SOX5: variants seen among roughly 807,000 people sequenced by gnomAD.
The protein encoded by SOX5 is transcription factor SOX-5.
A neutral mutation model predicts 92.0 loss-of-function variants in SOX5; 9 were observed. The ratio of observed to expected loss-of-function variants is 0.10; its 90% confidence interval spans 0.06 to 0.17. SOX5 has a LOEUF of 0.17. SOX5 is among the 10% of genes least tolerant of loss of function. SOX5 has a pLI of 1.00. For synonymous variants in SOX5, 344 were observed against 336.3 expected (o/e 1.02, Z -0.25); for missense variants, 642 against 944.5 (o/e 0.68, Z 4.20).
At chr12:23,802,489 T>C (rs913756170) in intron 3 of SOX5, among the ~76,000 whole-genome samples, 1 of 151,620 alleles carries the variant, frequency 6.6e-6, no homozygotes, top group Non-Finnish European at 1.5e-5. Flanking sequence ...ATCCCATTCG[T>C]TGTAATTTTT....
At chr12:24,037,095 C>T (rs1045118017) in intron 4 of SOX5, among the ~76,000 whole-genome samples, 3 of 152,066 alleles carry the variant, frequency 2.0e-5, no homozygotes, top group African/African-American at 7.2e-5. Context: ...TTGAAGGACA[C>T]CACAGGCACT....
rs76882156 is a variant in SOX5 at position 24,307,450 on chromosome 12, A to G, written c.-173-30138T>C. On this transcript the variant is annotated intron_variant, in intron 2 of 4. Coordinates refer to the SOX5 transcript ENST00000446891. The stretch of plus-strand genomic sequence containing the variant: ...TTCTCATTTAGTACTGTATAGCTGG[A>G]AAGGAAGGAAGGAAGGAAGGAAGGA... Among the ~76,000 whole-genome samples, 207 of 118,636 alleles carry G rather than the reference A, an allele frequency of 1.7e-3. 4 individuals are homozygous for G. In the South Asian group the frequency reaches 0.029, roughly 17 times the overall value. 77.8% of individuals were successfully genotyped at this position (118,636 alleles called of 152,430 possible).
intron 2 of SOX5, among the ~76,000 whole-genome samples, chr12:24,367,748 A>G (rs1297827451): frequency 6.6e-6 from 1 of 152,170 alleles, no homozygotes; most frequent in African/African-American, 2.4e-5. Flanking sequence ...CAATCTAAAC[A>G]GTGTATTAAC....
chr12:24,330,372 C>T (rs1237538426), intron 2 of SOX5, among the ~76,000 whole-genome samples: 5 of 152,118 alleles, frequency 3.3e-5, no homozygotes, highest in African/African-American at 7.2e-5. Flanking sequence ...GGGAAAAGCT[C>T]GTTTGTACAA....
chr12:24,365,110 C>G (rs11047398), intron 2 of SOX5, among the ~76,000 whole-genome samples: 23,662 of 151,934 alleles, frequency 0.16, 2,202 homozygotes, highest in African/African-American at 0.26. Context: ...TCATTCATGA[C>G]GAACAGTGCT....
At chr12:24,278,608 G>A (rs188231993) in intron 2 of SOX5, among the ~76,000 whole-genome samples, 370 of 152,186 alleles carry the variant, frequency 2.4e-3, no homozygotes, top group Non-Finnish European at 4.4e-3. Context: ...CTATTTGGGA[G>A]AATGAGGTGA....
At chr12:23,943,458 G>T (rs1256521907) in intron 1 of SOX5, among the ~76,000 whole-genome samples, 1 of 152,066 alleles carries the variant, frequency 6.6e-6, no homozygotes, top group Non-Finnish European at 1.5e-5. Flanking sequence ...AGTAGGTTTA[G>T]ATAATGTGGT....
At chr12:24,215,870 A>G (rs578002687) in intron 3 of SOX5, among the ~76,000 whole-genome samples, 1 of 152,260 alleles carries the variant, frequency 6.6e-6, no homozygotes, top group African/African-American at 2.4e-5. Flanking sequence ...AGCTACAATA[A>G]TTAAGACATT....
chr12:24,209,496 G>A (rs1958363202), intron 4 of SOX5, among the ~76,000 whole-genome samples: 1 of 152,102 alleles, frequency 6.6e-6, no homozygotes, highest in Middle Eastern at 3.2e-3. Flanking sequence ...TTTGTTGCAT[G>A]AATATTCTGA....
chr12:24,485,690 A>G (rs569747883), intron 1 of SOX5, among the ~76,000 whole-genome samples: 1 of 152,286 alleles, frequency 6.6e-6, no homozygotes, highest in Non-Finnish European at 1.5e-5. Context: ...AACTATTACT[A>G]TTATGTACTT....
chr12:24,160,058 C>G (rs1299944333), intron 4 of SOX5, among the ~76,000 whole-genome samples: 1 of 151,812 alleles, frequency 6.6e-6, no homozygotes, highest in Non-Finnish European at 1.5e-5. Flanking sequence ...ATCACTCCCT[C>G]GAACAATAGA....
intron 1 of SOX5, among the ~76,000 whole-genome samples, chr12:24,387,160 A>G (rs569159866): frequency 2.8e-4 from 43 of 152,350 alleles, no homozygotes; most frequent in African/African-American, 1.0e-3. Flanking sequence ...AACGTCTTCA[A>G]CATAAGTAGC....
chr12:23,963,612 A>G (rs1427583573), intron 4 of SOX5, among the ~76,000 whole-genome samples: 1 of 152,044 alleles, frequency 6.6e-6, no homozygotes, highest in East Asian at 1.9e-4. Context: ...AATTACAACA[A>G]CCGACTAAAT....
At chr12:24,492,460 A>G (rs1445875772) in intron 1 of SOX5, among the ~76,000 whole-genome samples, 1 of 152,200 alleles carries the variant, frequency 6.6e-6, no homozygotes, top group Admixed American at 6.5e-5. Flanking sequence ...AAACATGACT[A>G]TTGCAAAGAA....
intron 4 of SOX5, among the ~76,000 whole-genome samples, chr12:23,989,218 CAAAA>C (rs554892984): frequency 0.21 from 22,174 of 104,658 alleles, 1,752 homozygotes; most frequent in South Asian, 0.28. Flanking sequence ...GCCAAAAATA[CAAAA>C]AAAAAAAAAA....
chr12:23,942,505 A>G (rs1943837382), intron 1 of SOX5, among the ~76,000 whole-genome samples: 1 of 151,910 alleles, frequency 6.6e-6, no homozygotes, highest in Non-Finnish European at 1.5e-5. Flanking sequence ...AATTAACAAC[A>G]GGCAACACAG....
Position 23,940,043 on chromosome 12 carries a change from A to G in SOX5, c.38+9521T>C, listed in dbSNP as rs537100645. ...ACTCATGCTCTCCTGCGGATTCTTCATATTTTTTCTTTTCTTTTATCCTTA... is the reference window on the plus strand; with the variant it reads ...ACTCATGCTCTCCTGCGGATTCTTCGTATTTTTTCTTTTCTTTTATCCTTA... On this transcript the variant is annotated intron_variant, in intron 1 of 14. Transcript: ENST00000451604. Among the ~76,000 whole-genome samples, 3 of 151,194 alleles carry G rather than the reference A, an allele frequency of 2.0e-5. No individual in the cohort carries two copies. The Admixed American group carries it at 2.0e-4, about 10-fold the overall frequency.
At chr12:23,615,901 G>C (rs2076500289) in intron 8 of SOX5, among the ~76,000 whole-genome samples, 3 of 152,146 alleles carry the variant, frequency 2.0e-5, no homozygotes, top group Non-Finnish European at 2.9e-5. Context: ...CAAGAGTCCA[G>C]TTTAATAGTA....
intron 2 of SOX5, among the ~76,000 whole-genome samples, chr12:23,883,354 G>C (rs1184906760): frequency 1.3e-5 from 2 of 152,094 alleles, no homozygotes; most frequent in Non-Finnish European, 2.9e-5. Flanking sequence ...AGTCAGGTGA[G>C]TAATATTCAT....
Sources: allele counts gnomAD v4.1 joint callset (sites outside exome capture counted in the v4.1 genomes callset), GRCh38; gene constraint gnomAD v4.1.1; transcripts MANE v1.5; gene names NCBI Gene and HGNC (gene_info 2026-07-23, HGNC 2026-07-21).